MSI2: variants seen among roughly 807,000 people sequenced by gnomAD.
MSI2 encodes the protein RNA-binding protein Musashi homolog 2.
Under a neutral mutation model 45.6 loss-of-function variants are expected in MSI2, and 17 were observed. That is an observed-to-expected ratio of 0.37 (90% CI 0.26 to 0.56). MSI2 has a LOEUF of 0.56. Ranked by LOEUF, MSI2 falls within the 20% of genes least tolerant of loss-of-function variation. The pLI is 0.77. For missense variants in MSI2, 293 were observed against 444.2 expected (o/e 0.66, Z 3.06); for synonymous variants, 156 against 158.2 (o/e 0.99, Z 0.11).
At chr17:57,701,251 C>T in the MSI2 span, among the ~76,000 whole-genome samples, 1 of 152,116 alleles carries the variant, frequency 6.6e-6, no homozygotes, top group Non-Finnish European at 1.5e-5. Flanking sequence ...CCTAAGAAGC[C>T]CGCATGCTTT....
intron 12 of MSI2, among the ~76,000 whole-genome samples, 179 bp downstream of exon 12, chr17:57,675,305 C>T (rs975433419): frequency 6.6e-6 from 1 of 152,198 alleles, no homozygotes; most frequent in Admixed American, 6.5e-5. Flanking sequence ...GTCCTGGGTG[C>T]CTCTCGTGTG....
rs532880550 is a variant in MSI2 at position 57,610,883 on chromosome 17, A to G, written c.538-5087A>G. Among the ~76,000 whole-genome samples, 2 of 94,906 alleles carry G rather than the reference A, an allele frequency of 2.1e-5. 1 individual carries two copies. Among genetic ancestry groups the G allele is most frequent in the African/African-American group, 6.6e-5 (2 of 30,492 alleles). The allele number at this position is 94,906 out of a possible 152,430, so 62.3% of individuals were successfully genotyped here. ...GTCGAACAAAGCAGCATATTGGGAG[A>G]AGAAAATTTCAGAACAAATCCCATC... On this transcript the variant is annotated intron_variant, in intron 8 of 13. Coordinates refer to ENST00000284073, the MANE Select transcript of MSI2 (RefSeq NM_138962.4).
chr17:57,424,448 G>T (rs746696430), intron 6 of MSI2, among the ~76,000 whole-genome samples: 3 of 152,256 alleles, frequency 2.0e-5, no homozygotes, highest in Non-Finnish European at 4.4e-5. Flanking sequence ...GTCTGGCTCA[G>T]AGTGGGAATT....
chr17:57,533,729 G>A (rs549672729), intron 7 of MSI2, among the ~76,000 whole-genome samples: 1 of 152,316 alleles, frequency 6.6e-6, no homozygotes, highest in Non-Finnish European at 1.5e-5. Context: ...ATGCCCTTCT[G>A]TAATGGGGTG....
intron 6 of MSI2, among the ~76,000 whole-genome samples, chr17:57,517,238 G>A (rs998640061): frequency 2.0e-5 from 3 of 152,226 alleles, no homozygotes; most frequent in African/African-American, 7.2e-5. Flanking sequence ...GGGATAAGGG[G>A]ATTGGGGAGA....
At chr17:57,687,458 T>C (rs1046066065), downstream of MSI2, among the ~76,000 whole-genome samples, 1 of 151,484 alleles carries the variant, frequency 6.6e-6, no homozygotes, top group African/African-American at 2.4e-5. Flanking sequence ...TGAAAGGAGT[T>C]AACAGAGAAA....
rs1299190895 is a variant in MSI2, at chr17:57,596,829, C to T, written c.455-39C>T. 11 of 1,484,240 alleles carry T rather than the reference C, an allele frequency of 7.4e-6. No homozygotes were observed. Among genetic ancestry groups the T allele is most frequent in the South Asian group, 2.3e-5 (2 of 88,548 alleles). 91.9% of individuals were successfully genotyped at this position (1,484,240 alleles called of 1,614,324 possible). ...GGGCCTGCCAGAACTGAACTCACCC[C>T]GCCTCTCTTTGTTTTTTCTTCTCTC... On this transcript the variant is annotated intron_variant, in intron 7 of 13. Transcript: ENST00000284073. This position sits in a 1 kb window ranked among gnomAD's most constrained non-coding sequence, Gnocchi z 4.6.
intron 8 of MSI2, among the ~76,000 whole-genome samples, chr17:57,605,386 G>A (rs1271685996): frequency 6.6e-6 from 1 of 152,232 alleles, no homozygotes; most frequent in African/African-American, 2.4e-5. Context: ...TGGTTCGCTT[G>A]CCCTTCATCT....
intron 6 of MSI2, among the ~76,000 whole-genome samples, chr17:57,504,488 G>T (rs1265529658): frequency 2.0e-5 from 3 of 152,166 alleles, no homozygotes; most frequent in African/African-American, 7.2e-5. Context: ...ATGAGTGCTT[G>T]GATATTTCCC....
chr17:57,286,127 T>G, intron 5 of MSI2: 1 of 639,394 alleles, frequency 1.6e-6, no homozygotes, highest in Admixed American at 3.8e-5. Context: ...ACCTAATTCC[T>G]TATCTCATTT....
chr17:57,402,285 C>T (rs533178510), intron 6 of MSI2, among the ~76,000 whole-genome samples: 2 of 152,272 alleles, frequency 1.3e-5, no homozygotes, highest in African/African-American at 4.8e-5. Context: ...TGTATACCAC[C>T]CTCCTCTGGC....
At chr17:57,328,184 A>G (rs1598125547) in intron 5 of MSI2, among the ~76,000 whole-genome samples, 1 of 152,156 alleles carries the variant, frequency 6.6e-6, no homozygotes, top group African/African-American at 2.4e-5. Context: ...GCTTCTGTCC[A>G]TCTGTCTCTT....
intron 7 of MSI2, among the ~76,000 whole-genome samples, chr17:57,545,019 C>G (rs2087131037): frequency 6.6e-6 from 1 of 152,184 alleles, no homozygotes; most frequent in African/African-American, 2.4e-5. Context: ...CTACCTGACA[C>G]TATTATAAAA....
chr17:57,265,127 C>T (rs1169071006), intron 5 of MSI2: 1 of 152,192 alleles, frequency 6.6e-6, no homozygotes, highest in Non-Finnish European at 1.5e-5. Flanking sequence ...GAATTTGAGC[C>T]TGGCCACCGG....
intron 7 of MSI2, among the ~76,000 whole-genome samples, chr17:57,531,381 C>T (rs554185449): frequency 2.0e-5 from 3 of 152,268 alleles, no homozygotes; most frequent in South Asian, 4.2e-4. Flanking sequence ...TTATTATTAG[C>T]GTTATCATCA....
At chr17:57,605,351 G>A (rs1484965074) in intron 8 of MSI2, among the ~76,000 whole-genome samples, 1 of 152,232 alleles carries the variant, frequency 6.6e-6, no homozygotes, top group African/African-American at 2.4e-5. Flanking sequence ...TTGGCCTGCA[G>A]GGAGTGGCCT....
intron 10 of MSI2, chr17:57,628,567 G>A (rs1329774377): frequency 6.6e-6 from 1 of 152,470 alleles, no homozygotes; most frequent in Non-Finnish European, 1.5e-5. Flanking sequence ...AGCTTCTAGG[G>A]CCTTACTTCT....
chr17:57,655,890 C>T (rs1911554510), intron 11 of MSI2, among the ~76,000 whole-genome samples: 1 of 152,122 alleles, frequency 6.6e-6, no homozygotes, highest in African/African-American at 2.4e-5. Context: ...TGTACACTTT[C>T]GTTTTTGATT....
chr17:57,307,300 G>A (rs775758179), intron 5 of MSI2, among the ~76,000 whole-genome samples: 2 of 152,210 alleles, frequency 1.3e-5, no homozygotes, highest in Admixed American at 1.3e-4. Flanking sequence ...ATGGGCAGGA[G>A]TCACCCAGTC....
Sources: allele counts gnomAD v4.1 joint callset (sites outside exome capture counted in the v4.1 genomes callset), GRCh38; gene constraint gnomAD v4.1.1; non-coding constraint Gnocchi (gnomAD v3.1); transcripts MANE v1.5; gene names NCBI Gene and HGNC (gene_info 2026-07-23, HGNC 2026-07-21).